SWAP70: variants seen among roughly 807,000 people sequenced by gnomAD.
SWAP70 encodes switching B cell complex subunit SWAP70, also known as switch-associated protein 70.
Under a neutral mutation model 80.2 loss-of-function variants are expected in SWAP70, and 34 were observed. That is an observed-to-expected ratio of 0.42 (90% CI 0.32 to 0.56). The LOEUF (loss-of-function observed/expected upper bound fraction) is 0.56. Among genes scored for constraint, SWAP70 ranks in the 20% least tolerant of loss-of-function variants. The pLI is 0.09. For synonymous variants in SWAP70, 239 were observed against 238.5 expected (o/e 1.00, Z -0.02); for missense variants, 578 against 690.7 (o/e 0.84, Z 1.83).
At chr11:9,745,243 T>C (rs752897533) in intron 9 of SWAP70, among the ~76,000 whole-genome samples, 1 of 152,196 alleles carries the variant, frequency 6.6e-6, no homozygotes, top group Non-Finnish European at 1.5e-5. Flanking sequence ...TGGCCAACTT[T>C]ATACAGTTGT....
chr11:9,705,013 A>G (rs1850882210), intron 2 of SWAP70, among the ~76,000 whole-genome samples: 1 of 135,610 alleles, frequency 7.4e-6, no homozygotes, highest in South Asian at 2.2e-4. Flanking sequence ...GTTGATCTGT[A>G]TACACTGGTG....
chr11:9,749,837 T>A (rs1009910606), intron 11 of SWAP70, 27 bp from the exon 12 acceptor site: 5 of 1,411,180 alleles, frequency 3.5e-6, no homozygotes, highest in Non-Finnish European at 5.0e-6. Flanking sequence ...TAATACTTCC[T>A]GTATTTAAAG....
chr11:9,679,940 A>G (rs913375222), intron 1 of SWAP70, among the ~76,000 whole-genome samples: 8 of 152,188 alleles, frequency 5.3e-5, no homozygotes, highest in African/African-American at 1.7e-4. Flanking sequence ...GAGTGCTGGG[A>G]TTACAGGCAT....
chr11:9,726,080 A>G (rs1287910996), intron 4 of SWAP70, among the ~76,000 whole-genome samples: 2 of 151,922 alleles, frequency 1.3e-5, no homozygotes, highest in East Asian at 3.9e-4. Context: ...ATTTTGGTGA[A>G]TTTTTTTCTT....
intron 3 of SWAP70, among the ~76,000 whole-genome samples, chr11:9,724,293 G>T (rs936419130): frequency 1.3e-5 from 2 of 152,130 alleles, no homozygotes; most frequent in East Asian, 3.8e-4. Context: ...TTAATTTAGC[G>T]CTTGTTTGTT....
At chr11:9,682,002 G>C (rs946777192) in intron 1 of SWAP70, among the ~76,000 whole-genome samples, 2 of 152,290 alleles carry the variant, frequency 1.3e-5, no homozygotes, top group South Asian at 4.1e-4. Flanking sequence ...TCTTTGCTGG[G>C]CTTCAGTTTC....
chr11:9,734,573 A>G (rs1389813831), intron 7 of SWAP70, among the ~76,000 whole-genome samples: 1 of 152,202 alleles, frequency 6.6e-6, no homozygotes. Context: ...TTTCTTGTCA[A>G]TAAACACAGT....
chr11:9,675,983 A>C (rs543438602), intron 1 of SWAP70, among the ~76,000 whole-genome samples: 1 of 152,352 alleles, frequency 6.6e-6, no homozygotes, highest in African/African-American at 2.4e-5. Context: ...TTTCAGGCTG[A>C]ACTAACCAGG....
intron 2 of SWAP70, among the ~76,000 whole-genome samples, chr11:9,712,768 C>T (rs1394909054): frequency 4.6e-5 from 6 of 131,090 alleles, no homozygotes; most frequent in Admixed American, 8.6e-5. Flanking sequence ...GATAGAGTTT[C>T]GCTCTTGTTG....
At chr11:9,727,995 G>A in intron 4 of SWAP70, 58 bp from the exon 5 acceptor site, 1 of 1,455,270 alleles carries the variant, frequency 6.9e-7, no homozygotes, top group Non-Finnish European at 9.2e-7. Flanking sequence ...TCAAGGAAGA[G>A]ATGTCAGCTC....
intron 3 of SWAP70, among the ~76,000 whole-genome samples, chr11:9,719,234 A>G (rs1851104924): frequency 6.6e-6 from 1 of 151,996 alleles, no homozygotes; most frequent in African/African-American, 2.4e-5. Context: ...GTGAAACCCC[A>G]TCTCTGCAAA....
At chr11:9,733,345 A>G (rs540752435) in intron 7 of SWAP70, among the ~76,000 whole-genome samples, 6 of 152,330 alleles carry the variant, frequency 3.9e-5, no homozygotes, top group African/African-American at 9.6e-5. Flanking sequence ...CCTTGAATCA[A>G]TGAGCACTTG....
intron 10 of SWAP70, 74 bp from the exon 11 acceptor site, chr11:9,749,013 A>C: frequency 2.5e-6 from 2 of 810,230 alleles, no homozygotes; most frequent in Non-Finnish European, 2.0e-6. Context: ...ATACATAGTA[A>C]GGGCCCAATA....
intron 1 of SWAP70, among the ~76,000 whole-genome samples, chr11:9,691,093 C>T (rs1350031975): frequency 6.6e-6 from 1 of 152,066 alleles, no homozygotes; most frequent in Non-Finnish European, 1.5e-5. Flanking sequence ...AGCTTTTGTA[C>T]TTTCTATAGA....
chr11:9,694,387 A>C (rs970160074), intron 2 of SWAP70, 101 bp downstream of exon 2: 2 of 1,272,082 alleles, frequency 1.6e-6, no homozygotes, highest in Non-Finnish European at 1.0e-6. Flanking sequence ...GAGTTGAGGT[A>C]CAAAGAATCA....
At chr11:9,693,459 C>T (rs1012166552) in intron 1 of SWAP70, among the ~76,000 whole-genome samples, 2 of 152,092 alleles carry the variant, frequency 1.3e-5, no homozygotes. Flanking sequence ...ACCATGTTGG[C>T]GACTCCTATT....
intron 2 of SWAP70, among the ~76,000 whole-genome samples, chr11:9,706,816 G>T (rs11042479): frequency 2.6e-5 from 4 of 151,996 alleles, no homozygotes; most frequent in African/African-American, 4.8e-5. Flanking sequence ...AGCACATAAA[G>T]AACTCTTTTT....
intron 9 of SWAP70, among the ~76,000 whole-genome samples, chr11:9,746,137 C>T (rs964539832): frequency 2.6e-5 from 4 of 152,220 alleles, no homozygotes; most frequent in Non-Finnish European, 5.9e-5. Context: ...GCTTCAGAGT[C>T]AAAGTTCCAG....
rs187652319 is a variant in SWAP70 at position 9,689,373 on chromosome 11, G to C, written c.100-4773G>C. Reference sequence around the variant, plus strand: ...ATGCAGTTAATTAGTCATCTTGTCAGCAGAGGCCCTGCAGAGGCAACTGCA... The same window carrying C: ...ATGCAGTTAATTAGTCATCTTGTCACCAGAGGCCCTGCAGAGGCAACTGCA... On this transcript the variant is annotated intron_variant, in intron 1 of 11. Transcript: ENST00000318950. 1.2e-3 allele frequency among the ~76,000 whole-genome samples: 183 copies of C among 152,336 alleles called. 2 individuals carry two copies. Among genetic ancestry groups the C allele is most frequent in the African/African-American group, 4.3e-3 (179 of 41,562 alleles).
Sources: gnomAD v4.1 joint callset for allele counts (sites outside exome capture counted in the v4.1 genomes callset) on GRCh38, gnomAD v4.1.1 for gene constraint, MANE v1.5 for transcripts, NCBI Gene and HGNC (gene_info 2026-07-23, HGNC 2026-07-21) for gene names.